TRPM6: variants seen among roughly 807,000 people sequenced by gnomAD.
TRPM6 encodes the protein channel kinase 2.
A neutral mutation model predicts 247.6 loss-of-function variants in TRPM6; 111 were observed. That is an observed-to-expected ratio of 0.45 (90% CI 0.38 to 0.52). The LOEUF (loss-of-function observed/expected upper bound fraction) is 0.52, where lower values mean the gene tolerates loss of function less well. Ranked by LOEUF, TRPM6 falls within the 20% of genes least tolerant of loss-of-function variation. The pLI, the probability that TRPM6 is intolerant of heterozygous loss-of-function variation, is 0.00. For synonymous variants in TRPM6, 892 were observed against 853.8 expected (o/e 1.04, Z -0.78); for missense variants, 2,126 against 2,421.5 (o/e 0.88, Z 2.56).
chr9:74,799,160 T>C (rs1161750374), intron 17 of TRPM6, among the ~76,000 whole-genome samples: 1 of 152,182 alleles, frequency 6.6e-6, no homozygotes, highest in Non-Finnish European at 1.5e-5. Flanking sequence ...GAGATCCTTT[T>C]TGGTTGACAT....
At chr9:74,784,255 T>C (rs1346583292) in intron 21 of TRPM6, among the ~76,000 whole-genome samples, 3 of 126,950 alleles carry the variant, frequency 2.4e-5, no homozygotes, top group East Asian at 4.4e-4. Flanking sequence ...AGAGCAAGAC[T>C]CCATCTCAGA....
intron 15 of TRPM6, 143 bp from the exon 16 acceptor site, chr9:74,802,318 A>G: frequency 1.3e-6 from 1 of 792,068 alleles, no homozygotes; most frequent in Admixed American, 2.5e-5. Context: ...TTTACAAGCC[A>G]GCAAGCAAAA....
At chr9:74,863,939 GAGACAA>G (rs150791140) in intron 1 of TRPM6, among the ~76,000 whole-genome samples, 3,628 of 151,764 alleles carry the variant, frequency 0.024, 138 homozygotes, top group African/African-American at 0.08. Flanking sequence ...GAGGTAAAGG[GAGACAA>G]AGATAACAGG....
At chr9:74,865,760 A>G (rs1830826756) in intron 1 of TRPM6, among the ~76,000 whole-genome samples, 1 of 152,212 alleles carries the variant, frequency 6.6e-6, no homozygotes, top group African/African-American at 2.4e-5. Context: ...TCATGAAACT[A>G]TGCTTTTATT....
intron 3 of TRPM6, among the ~76,000 whole-genome samples, chr9:74,849,413 T>C (rs894939691): frequency 2.0e-5 from 3 of 147,440 alleles, no homozygotes; most frequent in Non-Finnish European, 4.5e-5. Context: ...ATTAATTTGA[T>C]AGAAATGATG....
At chr9:74,792,845 AT>A in intron 18 of TRPM6, 75 bp from the exon 19 acceptor site, 1 of 1,356,406 alleles carries the variant, frequency 7.4e-7, no homozygotes, top group South Asian at 1.2e-5. Context: ...CATCCAAAAA[AT>A]ATCATAAATA....
At chr9:74,744,626 G>C (rs1825973567) in intron 31 of TRPM6, among the ~76,000 whole-genome samples, 1 of 152,210 alleles carries the variant, frequency 6.6e-6, no homozygotes, top group Admixed American at 6.5e-5. Context: ...ACAAAGAAGA[G>C]GGTGGATAAT....
At chr9:74,751,923 C>T (rs780531005) in intron 29 of TRPM6, among the ~76,000 whole-genome samples, 1 of 152,202 alleles carries the variant, frequency 6.6e-6, no homozygotes, top group Non-Finnish European at 1.5e-5. Flanking sequence ...CTAGATCTAC[C>T]TCTTAAAAGT....
rs755804033 is a variant in TRPM6 at position 74,763,072 on chromosome 9, G to A, written c.3599C>T (p.Ser1200Phe). 3.1e-6 allele frequency: 5 copies of A among 1,613,918 alleles called. No individual in the cohort carries two copies. Among genetic ancestry groups the A allele is most frequent in the Non-Finnish European group, 4.2e-6 (5 of 1,180,010 alleles). The stretch of plus-strand genomic sequence containing the variant: ...CACCTGGCTGTCCAAAGACAGTAAG[G>A]AGTCCTTTATAAAAGACACCTTTTC... ...MNEKVSFIKDSLLSLDSQVGH... is the reference protein window; with the variant it reads ...MNEKVSFIKDFLLSLDSQVGH... Residue 1200 changes from serine (S) to phenylalanine (F), a missense_variant, in exon 26 of 39, where the codon TCC (serine) becomes TTC (phenylalanine). Physicochemically the swap from Ser to Phe is radical, Grantham distance 155 (BLOSUM62 -2). Coordinates refer to ENST00000360774, the MANE Select transcript of TRPM6 (RefSeq NM_017662.5).
chr9:74,848,285 C>T (rs1233123025), intron 3 of TRPM6, among the ~76,000 whole-genome samples: 3 of 152,086 alleles, frequency 2.0e-5, no homozygotes, highest in African/African-American at 7.2e-5. Flanking sequence ...ACTTTGGAGC[C>T]ATTATGAAGG....
At chr9:74,739,607 A>T in intron 34 of TRPM6, 116 bp downstream of exon 34, 1 of 1,539,980 alleles carries the variant, frequency 6.5e-7, no homozygotes, top group Non-Finnish European at 8.9e-7. Context: ...TACTACCTCT[A>T]AAAAATAATA....
chr9:74,754,679 C>A (rs1395159667), intron 28 of TRPM6, among the ~76,000 whole-genome samples: 1 of 152,146 alleles, frequency 6.6e-6, no homozygotes, highest in Non-Finnish European at 1.5e-5. Flanking sequence ...TTTTTAAAAC[C>A]TTATGACTAC....
rs1828358690 is a variant in TRPM6, at chr9:74,802,071, C to T, written c.1836G>A (p.Leu612=). 6.2e-7 allele frequency: 1 copy of T among 1,614,156 alleles called. No homozygotes were observed. Among genetic ancestry groups the T allele is most frequent in the South Asian group, 1.1e-5 (1 of 91,080 alleles). The part of the protein sequence containing the change: ...TGFLYPYNDL[L]VWAVLMKRQK... Reference sequence around the variant, plus strand: ...GCCTTTTCATCAGCACAGCCCAAACCAGCAGGTCATTGTAAGGGTAAAGAA... The same window carrying T: ...GCCTTTTCATCAGCACAGCCCAAACTAGCAGGTCATTGTAAGGGTAAAGAA... The change falls in exon 16 of 39, where the codon CTG becomes CTA. Residue 612 remains leucine (L), a synonymous_variant. Transcript: ENST00000360774.
chr9:74,818,567 T>C (rs1229755874), intron 9 of TRPM6, among the ~76,000 whole-genome samples: 4 of 152,162 alleles, frequency 2.6e-5, no homozygotes, highest in African/African-American at 7.2e-5. Context: ...CCTCCCAAAG[T>C]GCTGGGATTA....
At chr9:74,738,843 A>G (rs1444424962) in intron 35 of TRPM6, among the ~76,000 whole-genome samples, 1 of 152,208 alleles carries the variant, frequency 6.6e-6, no homozygotes, top group African/African-American at 2.4e-5. Context: ...TTTTATGAGT[A>G]CCAGACCCAA....
At position 74,739,835 on chromosome 9, in the gene TRPM6, T is replaced by A. The variant is rs1243567626; in HGVS notation, c.5375A>T (p.Asp1792Val). Reference sequence around the variant, plus strand: ...AACTTGTCCCGGCTTGAGAATGTCATCCTCAGACCAAGTGCTGACGACTCT... The same window carrying A: ...AACTTGTCCCGGCTTGAGAATGTCAACCTCAGACCAAGTGCTGACGACTCT... ...AMRVVSTWSE[D>V]DILKPGQVFI... The change falls in exon 34 of 39, where the codon GAT becomes GTT. Residue 1792 changes from aspartate to valine, a missense_variant. Physicochemically the swap from Asp to Val is radical, Grantham distance 152. This residue lies in a region of TRPM6 where 327 missense variants were observed against 397.7 expected (regional missense o/e 0.82). Transcript: ENST00000360774. 6.2e-7 allele frequency: 1 copy of A among 1,614,136 alleles called. No homozygotes were observed. The highest frequency in any genetic ancestry group is 1.7e-5 in the Admixed American group (1 of 60,018).
Position 74,817,740 on chromosome 9 carries a change from A to AGG in TRPM6, c.1135-778_1135-777dup, listed in dbSNP as rs11297751. 4.8e-4 allele frequency among the ~76,000 whole-genome samples: 73 copies of AGG among 151,486 alleles called. 1 individual carries two copies. The highest frequency in any genetic ancestry group is 3.4e-3 in the Middle Eastern group (1 of 292). On this transcript the variant is annotated intron_variant, in intron 9 of 38. Transcript: ENST00000360774. The stretch of plus-strand genomic sequence containing the variant: ...TCTCTGCTTTTGTTGCTTCAAAAAA[A>AGG]GGGGGGGGGAGTCACCTGTTATTAA...
chr9:74,776,259 A>G (rs1408215941), intron 23 of TRPM6, 183 bp from the exon 24 acceptor site: 1 of 613,520 alleles, frequency 1.6e-6, no homozygotes, highest in Non-Finnish European at 3.0e-6. Context: ...TACCTTCTAC[A>G]ATGAAACATG....
chr9:74,814,446 T>C, intron 11 of TRPM6, among the ~76,000 whole-genome samples: 1 of 152,172 alleles, frequency 6.6e-6, no homozygotes, highest in East Asian at 1.9e-4. Context: ...TAATTAAGTA[T>C]TATAATTGGA....
Sources: gnomAD v4.1 joint callset for allele counts (sites outside exome capture counted in the v4.1 genomes callset) on GRCh38, gnomAD v4.1.1 for gene constraint, gnomAD v4.1.1 regional missense constraint, MANE v1.5 for transcripts, NCBI Gene and HGNC (gene_info 2026-07-23, HGNC 2026-07-21) for gene names.